Variants in NF2 observed in about 807,000 individuals in gnomAD.
NF2 encodes the protein merlin.
A neutral mutation model predicts 83.7 loss-of-function variants in NF2; 8 were observed. The ratio of observed to expected loss-of-function variants is 0.10; its 90% CI spans 0.06 to 0.17. The LOEUF (loss-of-function observed/expected upper bound fraction) is 0.17, where lower values mean the gene tolerates loss of function less well. Ranked by LOEUF, NF2 falls within the 10% of genes least tolerant of loss-of-function variation. NF2 has a pLI of 1.00. For missense variants in NF2, 533 were observed against 744.4 expected, an observed-to-expected ratio of 0.72 and a Z score of 3.31; for synonymous variants, 266 against 269.6, an observed-to-expected ratio of 0.99 and a Z score of 0.13.
chr22:29,637,666 C>CATAATAAATAATG (rs1400794582), intron 2 of NF2, among the ~76,000 whole-genome samples: 3 of 150,762 alleles, frequency 2.0e-5, no homozygotes, highest in African/African-American at 7.3e-5. Flanking sequence ...CCTACCTGAG[C>CATAATAAATAATG]ATAATAAATA....
In NF2 at chr22:29,622,646, A is replaced by ATTTTT. The variant is rs35744962; in HGVS notation, c.115-14082_115-14078dup. 1.4e-4 allele frequency among the ~76,000 whole-genome samples: 9 copies of ATTTTT among 63,278 alleles called. 1 individual carries two copies. Among genetic ancestry groups the ATTTTT allele is most frequent in the South Asian group, 1.2e-3 (2 of 1,640 alleles). 41.5% of individuals were successfully genotyped at this position (63,278 alleles called of 152,430 possible). ...ACAGTTCAGTTTTGGAAGACCCTGT[A>ATTTTT]TTTTTTTTTTTTTTTTTTTTTTTTT... On this transcript the variant is annotated intron_variant, in intron 1 of 15. Coordinates refer to ENST00000338641, the MANE Select transcript of NF2 (RefSeq NM_000268.4).
At chr22:29,630,466 A>G (rs553960312) in intron 1 of NF2, among the ~76,000 whole-genome samples, 15 of 152,372 alleles carry the variant, frequency 9.8e-5, no homozygotes, top group Non-Finnish European at 2.1e-4. Context: ...GTATATATCT[A>G]TGAAATAGCA....
intron 1 of NF2, among the ~76,000 whole-genome samples, chr22:29,611,442 G>C (rs1185012848): frequency 6.6e-6 from 1 of 152,138 alleles, no homozygotes; most frequent in African/African-American, 2.4e-5. Flanking sequence ...TGGGAGGATT[G>C]CTTGAACCTG....
At chr22:29,691,463 G>T (rs2067401177) in intron 15 of NF2, among the ~76,000 whole-genome samples, 1 of 152,224 alleles carries the variant, frequency 6.6e-6, no homozygotes, top group South Asian at 2.1e-4. Flanking sequence ...TGATGGGCCT[G>T]CACACCTTAG....
chr22:29,628,030 C>T (rs1334218021), intron 1 of NF2, among the ~76,000 whole-genome samples: 2 of 152,156 alleles, frequency 1.3e-5, no homozygotes, highest in East Asian at 1.9e-4. Context: ...TCAGAAGCCT[C>T]ATCTAGTTAT....
rs35744962 is a variant in NF2, at chr22:29,622,646, A to ATTTTTTTTT, written c.115-14086_115-14078dup. Among the ~76,000 whole-genome samples, 7 of 63,278 alleles carry ATTTTTTTTT rather than the reference A, an allele frequency of 1.1e-4. 1 individual carries two copies. The highest frequency in any genetic ancestry group is 1.2e-4 in the Non-Finnish European group (4 of 33,882). 41.5% of individuals were successfully genotyped at this position (63,278 alleles called of 152,430 possible). A position where few individuals can be genotyped will look rare whatever the true frequency, so the allele number is the denominator to read the frequency against. On this transcript the variant is annotated intron_variant, in intron 1 of 15. Coordinates refer to ENST00000338641, the MANE Select transcript of NF2 (RefSeq NM_000268.4). ...ACAGTTCAGTTTTGGAAGACCCTGT[A>ATTTTTTTTT]TTTTTTTTTTTTTTTTTTTTTTTTT...
At chr22:29,613,979 G>A (rs1404606110) in intron 1 of NF2, among the ~76,000 whole-genome samples, 5 of 150,384 alleles carry the variant, frequency 3.3e-5, no homozygotes, top group African/African-American at 7.3e-5. Flanking sequence ...GGCTAGTCTC[G>A]AACTCCTGAC....
In NF2 at chr22:29,603,826, A is replaced by G. The variant is rs1442249916; in HGVS notation, c.-173A>G. The G allele has an allele frequency of 1.7e-6, 1 of 590,904 alleles. No individual in the cohort carries two copies. The highest frequency in any genetic ancestry group is 3.0e-6 in the Non-Finnish European group (1 of 335,056). The allele number at this position is 590,904 out of a possible 1,614,324, so 36.6% of individuals were successfully genotyped here. A position where few individuals can be genotyped will look rare whatever the true frequency, so the allele number is the denominator to read the frequency against. The stretch of plus-strand genomic sequence containing the variant: ...CCCCAACTCCCCTTTCCGCTCAGGC[A>G]GGGTCCTCGCGGCCCATGCTGGCCG... On this transcript the variant is annotated 5_prime_UTR_variant, in exon 1 of 16. Coordinates refer to ENST00000338641, the MANE Select transcript of NF2 (RefSeq NM_000268.4).
chr22:29,659,829 C>T (rs761729799), intron 7 of NF2, among the ~76,000 whole-genome samples: 18 of 152,216 alleles, frequency 1.2e-4, no homozygotes, highest in Non-Finnish European at 2.2e-4. Context: ...TGTAAAAGTA[C>T]AAAGCCTCAC....
intron 15 of NF2, among the ~76,000 whole-genome samples, chr22:29,682,824 C>T (rs1412956345): frequency 6.6e-6 from 1 of 152,146 alleles, no homozygotes; most frequent in Non-Finnish European, 1.5e-5. Flanking sequence ...TCCACTGCTG[C>T]TGCAATGAGC....
Position 29,697,283 on chromosome 22 carries a change from C to G in NF2, c.*2481C>G, listed in dbSNP as rs1470268460. The stretch of plus-strand genomic sequence containing the variant: ...TAGCTGCCGTGTCTACTTCTGAAGT[C>G]TGGGAAGTGCCAAGCCACGCGGCCT... On this transcript the variant is annotated 3_prime_UTR_variant, in exon 16 of 16. Transcript: ENST00000338641. 1.5e-5 allele frequency: 3 copies of G among 204,118 alleles called. No individual in the cohort carries two copies. The highest frequency in any genetic ancestry group is 3.0e-5 in the Non-Finnish European group (3 of 99,410). 12.6% of individuals were successfully genotyped at this position (204,118 alleles called of 1,614,324 possible).
chr22:29,682,510 G>A (rs2067165618), intron 15 of NF2, among the ~76,000 whole-genome samples: 1 of 152,128 alleles, frequency 6.6e-6, no homozygotes, highest in Non-Finnish European at 1.5e-5. Flanking sequence ...TCTACCTCTC[G>A]ACTCCAGTCA....
chr22:29,683,810 C>T (rs546353931), intron 15 of NF2: 7 of 1,060,410 alleles, frequency 6.6e-6, no homozygotes, highest in East Asian at 1.0e-4. Flanking sequence ...GTGAATTAAC[C>T]GAATGTTTGC....
chr22:29,604,839 T>A (rs1346533871), intron 1 of NF2, among the ~76,000 whole-genome samples: 1 of 152,216 alleles, frequency 6.6e-6, no homozygotes, highest in African/African-American at 2.4e-5. Context: ...TATTTTCAAC[T>A]TTGTAGACTA....
At chr22:29,681,689 G>T (rs1277452088) in intron 15 of NF2, 88 bp downstream of exon 15, 2 of 1,493,812 alleles carry the variant, frequency 1.3e-6, no homozygotes, top group Non-Finnish European at 1.9e-6. Flanking sequence ...CAGTAGCCAA[G>T]TCACTAGACT....
At chr22:29,635,038 C>A (rs1235575869) in intron 1 of NF2, among the ~76,000 whole-genome samples, 3 of 152,144 alleles carry the variant, frequency 2.0e-5, no homozygotes, top group South Asian at 2.1e-4. Flanking sequence ...AGAAACGGCC[C>A]TGCTAAAAGA....
chr22:29,693,680 G>A (rs2158619), intron 15 of NF2, among the ~76,000 whole-genome samples: 21 of 152,048 alleles, frequency 1.4e-4, no homozygotes, highest in Non-Finnish European at 2.8e-4. Flanking sequence ...CTTCTCAGCC[G>A]GGTGTGGAGC....
In NF2 at chr22:29,694,555, G is replaced by T. The variant is rs2067492314; in HGVS notation, c.1738-197G>T. ...GCCTTCCCCTTGCACATCCTCATTT[G>T]TCACCTCCTAATTTGAATTATTGGG... On this transcript the variant is annotated intron_variant, in intron 15 of 15. Transcript: ENST00000338641. This position sits in a 1 kb window ranked among gnomAD's most constrained non-coding sequence, Gnocchi z 4.1. 6.6e-6 allele frequency among the ~76,000 whole-genome samples: 1 copy of T among 152,196 alleles called. No homozygotes were observed. The highest frequency in any genetic ancestry group is 2.4e-5 in the African/African-American group (1 of 41,442).
chr22:29,661,804 G>C (rs1370396870), intron 8 of NF2, among the ~76,000 whole-genome samples: 3 of 152,082 alleles, frequency 2.0e-5, no homozygotes, highest in Non-Finnish European at 4.4e-5. Flanking sequence ...TTTAAGTGTG[G>C]TCTTTATTGA....
Sources: gnomAD v4.1 joint callset for allele counts (sites outside exome capture counted in the v4.1 genomes callset) on GRCh38, gnomAD v4.1.1 for gene constraint, Gnocchi (gnomAD v3.1) non-coding constraint, MANE v1.5 for transcripts, NCBI Gene and HGNC (gene_info 2026-07-23, HGNC 2026-07-21) for gene names.